Variants in ZNF407 observed in about 807,000 individuals in gnomAD.
ZNF407 encodes zinc finger protein 407.
A neutral mutation model predicts 131.2 loss-of-function variants in ZNF407; 17 were observed. The ratio of observed to expected loss-of-function variants is 0.13; its 90% confidence interval spans 0.09 to 0.19. The LOEUF (loss-of-function observed/expected upper bound fraction) is 0.19, where lower values mean the gene tolerates loss of function less well. ZNF407 is among the 10% of genes least tolerant of loss of function. The pLI is 1.00. For synonymous variants in ZNF407, 1,156 were observed against 1,062.0 expected, an observed-to-expected ratio of 1.09 and a Z score of -1.72; for missense variants, 2,681 against 2,830.6, an observed-to-expected ratio of 0.95 and a Z score of 1.20.
At chr18:74,701,232 G>C (rs1599080776) in intron 3 of ZNF407, among the ~76,000 whole-genome samples, 1 of 152,208 alleles carries the variant, frequency 6.6e-6, no homozygotes, top group East Asian at 1.9e-4. Flanking sequence ...TGTTCTGTTA[G>C]GGCAGCCCGA....
At chr18:74,911,436 A>G (rs182039000) in intron 7 of ZNF407, among the ~76,000 whole-genome samples, 1 of 152,248 alleles carries the variant, frequency 6.6e-6, no homozygotes, top group South Asian at 2.1e-4. Flanking sequence ...TATATTTAAC[A>G]TTAAGCCAAC....
intron 4 of ZNF407, among the ~76,000 whole-genome samples, chr18:74,841,821 A>G (rs1970637896): frequency 6.6e-6 from 1 of 152,230 alleles, no homozygotes; most frequent in Non-Finnish European, 1.5e-5. Flanking sequence ...GGTTATCCCT[A>G]GACTCAAGTA....
chr18:75,025,719 T>C (rs1488082306), intron 8 of ZNF407, among the ~76,000 whole-genome samples: 1 of 152,242 alleles, frequency 6.6e-6, no homozygotes, highest in Non-Finnish European at 1.5e-5. Flanking sequence ...CTTCTCCTAA[T>C]GCTACTTGTG....
chr18:74,678,512 A>G (rs907195660), intron 3 of ZNF407, among the ~76,000 whole-genome samples: 5 of 152,274 alleles, frequency 3.3e-5, no homozygotes, highest in Admixed American at 3.3e-4. Context: ...GTCCTCTCTG[A>G]AGTGGCAGAA....
intron 1 of ZNF407, among the ~76,000 whole-genome samples, chr18:74,598,664 C>A (rs968652527): frequency 1.3e-5 from 2 of 152,260 alleles, no homozygotes; most frequent in African/African-American, 4.8e-5. Flanking sequence ...GGGTCCTAGC[C>A]ATTCCCGACT....
chr18:74,632,469 A>G lies in ZNF407; in HGVS notation c.1450A>G (p.Ser484Gly). Residue 484 changes from serine to glycine, a missense_variant, in exon 2 of 9, where the codon AGC (serine) becomes GGC (glycine). Physicochemically the swap from Ser to Gly is moderately conservative, Grantham distance 56. Coordinates refer to ENST00000299687, the MANE Select transcript of ZNF407 (RefSeq NM_017757.3). ...ESVLKHLEAC[S>G]SVQRVCVTTS... ...AGTGCTGAAACACCTGGAAGCGTGCAGCAGTGTGCAGAGAGTGTGTGTGAC... is the reference window on the plus strand; with the variant it reads ...AGTGCTGAAACACCTGGAAGCGTGCGGCAGTGTGCAGAGAGTGTGTGTGAC... 1 of 1,614,060 alleles carries G rather than the reference A, an allele frequency of 6.2e-7. No individual in the cohort carries two copies. Among genetic ancestry groups the G allele is most frequent in the Non-Finnish European group, 8.5e-7 (1 of 1,179,910 alleles).
chr18:75,023,909 C>T (rs965682407), intron 8 of ZNF407, among the ~76,000 whole-genome samples: 6 of 152,036 alleles, frequency 3.9e-5, no homozygotes, highest in Non-Finnish European at 5.9e-5. Context: ...GTTTGTGGTG[C>T]GTTGGTTTTG....
chr18:74,919,546 A>G (rs371472935), intron 7 of ZNF407, among the ~76,000 whole-genome samples: 6 of 151,960 alleles, frequency 3.9e-5, no homozygotes, highest in African/African-American at 9.7e-5. Flanking sequence ...ATATTGCTCT[A>G]TTTTCTTCTG....
intron 3 of ZNF407, among the ~76,000 whole-genome samples, chr18:74,712,317 G>A (rs896145907): frequency 5.9e-5 from 9 of 152,190 alleles, no homozygotes; most frequent in Admixed American, 3.3e-4. Flanking sequence ...TGCTTCTTTT[G>A]GGTAATTGAT....
chr18:74,849,747 G>A (rs8094524), intron 4 of ZNF407, among the ~76,000 whole-genome samples: 12,160 of 152,300 alleles, frequency 0.08, 632 homozygotes, highest in South Asian at 0.17. Flanking sequence ...ACCATGGGTA[G>A]CATGCTTCTG....
chr18:74,859,171 T>G (rs886463977), intron 4 of ZNF407, among the ~76,000 whole-genome samples: 1 of 152,218 alleles, frequency 6.6e-6, no homozygotes, highest in African/African-American at 2.4e-5. Context: ...CTGGTTTGTC[T>G]GGGTACGCAT....
rs555853552 is a variant in ZNF407, at chr18:74,954,579, A to AT, written c.5428+33895dup. ...GTTTTAGTTAATGAAACTAGTCATA[A>AT]TTTTTTTTCAAGTATTATATAACAT... is the stretch of plus-strand genomic sequence containing the variant. On this transcript the variant is annotated intron_variant, in intron 8 of 8. Coordinates refer to ENST00000299687, the MANE Select transcript of ZNF407 (RefSeq NM_017757.3). Among the ~76,000 whole-genome samples the AT allele has an allele frequency of 4.6e-5, 7 of 152,172 alleles. 1 individual carries two copies. Among genetic ancestry groups the AT allele is most frequent in the African/African-American group, 1.7e-4 (7 of 41,504 alleles).
At chr18:74,999,315 A>C (rs1599286321) in intron 8 of ZNF407, among the ~76,000 whole-genome samples, 3 of 117,930 alleles carry the variant, frequency 2.5e-5, no homozygotes, top group East Asian at 2.6e-4. Flanking sequence ...AACCTGCACA[A>C]TGTGCACATG....
intron 3 of ZNF407, among the ~76,000 whole-genome samples, chr18:74,731,838 G>T (rs1968301316): frequency 6.6e-6 from 1 of 152,090 alleles, no homozygotes; most frequent in Non-Finnish European, 1.5e-5. Flanking sequence ...GCAGGCCTGG[G>T]ATGGGGTCCA....
At chr18:74,618,368 A>C (rs1983399652) in intron 1 of ZNF407, among the ~76,000 whole-genome samples, 1 of 152,106 alleles carries the variant, frequency 6.6e-6, no homozygotes. Flanking sequence ...TCCTTTCTGC[A>C]ACTTCCCAGT....
At chr18:74,716,204 T>C (rs1290070985) in intron 3 of ZNF407, among the ~76,000 whole-genome samples, 3 of 152,264 alleles carry the variant, frequency 2.0e-5, no homozygotes, top group Non-Finnish European at 4.4e-5. Flanking sequence ...GAGGTTTTGA[T>C]AGCTGAGAAG....
intron 4 of ZNF407, among the ~76,000 whole-genome samples, chr18:74,867,138 T>A (rs1971024103): frequency 6.6e-6 from 1 of 152,150 alleles, no homozygotes; most frequent in South Asian, 2.1e-4. Flanking sequence ...CTGGTGTCAG[T>A]TAATGGTTCT....
chr18:74,833,146 T>C (rs888166754), intron 4 of ZNF407, among the ~76,000 whole-genome samples: 1 of 152,150 alleles, frequency 6.6e-6, no homozygotes, highest in African/African-American at 2.4e-5. Flanking sequence ...CTGAATAGAT[T>C]ACACAACAAG....
intron 8 of ZNF407, among the ~76,000 whole-genome samples, chr18:75,033,649 G>A (rs1036736824): frequency 1.3e-5 from 2 of 152,322 alleles, no homozygotes; most frequent in East Asian, 3.9e-4. Flanking sequence ...AGTGTTTGCT[G>A]AACCAAGGTG....
Sources: allele counts gnomAD v4.1 joint callset (sites outside exome capture counted in the v4.1 genomes callset), GRCh38; gene constraint gnomAD v4.1.1; transcripts MANE v1.5; gene names NCBI Gene and HGNC (gene_info 2026-07-23, HGNC 2026-07-21).